Variants in ATP6V1C2 observed in about 807,000 individuals in gnomAD.
ATP6V1C2 encodes ATPase H+ transporting V1 subunit C2.
ATP6V1C2 carries 45 observed loss-of-function variants against 56.8 expected under a neutral mutation model. The observed-to-expected ratio is 0.79, with a 90% CI of 0.62 to 1.02. The LOEUF is 1.02. Among genes scored for constraint, ATP6V1C2 ranks in the 50% least tolerant of loss-of-function variants. The pLI is 0.00. For missense variants in ATP6V1C2, 463 were observed against 519.7 expected, an observed-to-expected ratio of 0.89 and a Z score of 1.06; for synonymous variants, 220 against 201.3, an observed-to-expected ratio of 1.09 and a Z score of -0.79.
In ATP6V1C2 at chr2:10,751,931, G is replaced by C. The variant is rs117554050; in HGVS notation, c.198-2050G>C. 1.3e-3 allele frequency among the ~76,000 whole-genome samples: 194 copies of C among 152,106 alleles called. 4 individuals carry two copies. The East Asian group carries it at 0.036, about 28-fold the overall frequency. On this transcript the variant is annotated intron_variant, in intron 3 of 13. Coordinates refer to ENST00000272238, the MANE Select transcript of ATP6V1C2 (RefSeq NM_001039362.2). The stretch of plus-strand genomic sequence containing the variant: ...GAGACCAGCTTAGGCAATATAGTAA[G>C]ACCTTGTCTCTACAAAAAAATTTAG...
At chr2:10,724,100 G>A (rs1661510169) in intron 2 of ATP6V1C2, among the ~76,000 whole-genome samples, 1 of 152,052 alleles carries the variant, frequency 6.6e-6, no homozygotes, top group Admixed American at 6.6e-5. Context: ...GACTTACCGT[G>A]GTGCTTTCTG....
intron 12 of ATP6V1C2, 77 bp downstream of exon 12, chr2:10,778,746 C>G: frequency 7.5e-7 from 1 of 1,327,806 alleles, no homozygotes; most frequent in South Asian, 1.2e-5. Flanking sequence ...GGCACCCCAG[C>G]TCCTGCCTTC....
At chr2:10,727,823 G>A (rs1572499390) in intron 3 of ATP6V1C2, among the ~76,000 whole-genome samples, 1 of 152,032 alleles carries the variant, frequency 6.6e-6, no homozygotes, top group East Asian at 1.9e-4. Context: ...CGCTTGAGCG[G>A]GGGAGGGGGG....
chr2:10,738,602 C>T (rs1662381607), intron 3 of ATP6V1C2, among the ~76,000 whole-genome samples: 3 of 152,216 alleles, frequency 2.0e-5, no homozygotes, highest in South Asian at 4.1e-4. Context: ...TGTTGGTGCT[C>T]ATCGCAGCCC....
intron 3 of ATP6V1C2, among the ~76,000 whole-genome samples, chr2:10,734,153 A>C (rs947161329): frequency 6.6e-6 from 1 of 151,996 alleles, no homozygotes; most frequent in Non-Finnish European, 1.5e-5. Flanking sequence ...GGGTTGCTCT[A>C]AGCTGCTGGC....
chr2:10,771,912 G>A lies in ATP6V1C2; in HGVS notation c.544G>A (p.Val182Ile), dbSNP rs146844001. The A allele has an allele frequency of 1.3e-4, 215 of 1,614,080 alleles. No homozygotes were observed. In the African/African-American group the frequency reaches 2.0e-3, roughly 15 times the overall value. ...CTTCGTGCTGGATTCTGAATATCTC[G>A]TCACACTTCTGGTCATCGTCCCCAA... ...EDFVLDSEYL[V>I]TLLVIVPKPN... The change falls in exon 7 of 14, where the codon GTC becomes ATC. Residue 182 changes from valine (V) to isoleucine (I), a missense_variant. Physicochemically the swap from Val to Ile is conservative, Grantham distance 29. Coordinates refer to ENST00000272238, the MANE Select transcript of ATP6V1C2 (RefSeq NM_001039362.2).
chr2:10,756,802 C>T (rs563797461), intron 4 of ATP6V1C2, among the ~76,000 whole-genome samples: 157 of 152,092 alleles, frequency 1.0e-3, no homozygotes, highest in Middle Eastern at 3.4e-3. Context: ...GTGTAGTAGG[C>T]GATACCACCT....
intron 2 of ATP6V1C2, among the ~76,000 whole-genome samples, chr2:10,725,489 ATTTT>A (rs371459373): frequency 0.16 from 17,281 of 106,750 alleles, 1,347 homozygotes; most frequent in Middle Eastern, 0.22. Context: ...CCCAGCAAGA[ATTTT>A]TTTTTTTTTT....
At chr2:10,766,611 A>G (rs1664237172) in intron 5 of ATP6V1C2, among the ~76,000 whole-genome samples, 1 of 152,162 alleles carries the variant, frequency 6.6e-6, no homozygotes. Context: ...AAATATATAA[A>G]TCTTATTTTA....
intron 3 of ATP6V1C2, among the ~76,000 whole-genome samples, chr2:10,740,366 T>A (rs905763732): frequency 6.6e-6 from 1 of 152,208 alleles, no homozygotes; most frequent in Non-Finnish European, 1.5e-5. Context: ...GTGACTGCGC[T>A]GTTCCTGGCC....
At chr2:10,760,623 G>A (rs1663854330) in intron 4 of ATP6V1C2, among the ~76,000 whole-genome samples, 2 of 152,212 alleles carry the variant, frequency 1.3e-5, no homozygotes, top group Admixed American at 1.3e-4. Flanking sequence ...CAGTAACCAA[G>A]CACATGCTGG....
chr2:10,725,311 AGGCTGAGG>A lies in ATP6V1C2; in HGVS notation c.130-1190_130-1183del, dbSNP rs200937373. ...ATGCCTGTAATACCAGCTATTTGGGAGGCTGAGGCAGAAGAATCACTTGAACCTGGGAG... is the reference window on the plus strand; with the variant it reads ...ATGCCTGTAATACCAGCTATTTGGGACAGAAGAATCACTTGAACCTGGGAG... On this transcript the variant is annotated intron_variant, in intron 2 of 13. Coordinates refer to ENST00000272238, the MANE Select transcript of ATP6V1C2 (RefSeq NM_001039362.2). Among the ~76,000 whole-genome samples the A allele has an allele frequency of 6.4e-3, 975 of 151,528 alleles. 15 individuals are homozygous for A. Among genetic ancestry groups the A allele is most frequent in the African/African-American group, 0.022 (925 of 41,382 alleles).
chr2:10,754,151 T>C, intron 4 of ATP6V1C2, 85 bp downstream of exon 4: 2 of 1,127,622 alleles, frequency 1.8e-6, no homozygotes, highest in Admixed American at 4.2e-5. Context: ...CACACAGCAA[T>C]CACCGAGATG....
intron 3 of ATP6V1C2, among the ~76,000 whole-genome samples, chr2:10,740,495 G>A (rs1662489616): frequency 6.6e-6 from 1 of 152,124 alleles, no homozygotes; most frequent in Non-Finnish European, 1.5e-5. Context: ...GTTCTCAGTG[G>A]CTAAGCTGCT....
intron 12 of ATP6V1C2, among the ~76,000 whole-genome samples, chr2:10,779,070 C>CA (rs1193912636): frequency 6.6e-6 from 1 of 151,946 alleles, no homozygotes; most frequent in Non-Finnish European, 1.5e-5. Context: ...GAGAGAAAAC[C>CA]AAAACCACAC....
intron 3 of ATP6V1C2, among the ~76,000 whole-genome samples, chr2:10,743,096 T>A (rs1184541749): frequency 6.6e-6 from 1 of 152,148 alleles, no homozygotes; most frequent in East Asian, 1.9e-4. Flanking sequence ...ACTCACTGCT[T>A]TGTCTATTTG....
At chr2:10,757,778 C>T (rs1028456810) in intron 4 of ATP6V1C2, among the ~76,000 whole-genome samples, 6 of 152,160 alleles carry the variant, frequency 3.9e-5, no homozygotes, top group Admixed American at 6.6e-5. Flanking sequence ...GATCCTGACA[C>T]GATGTCCCGA....
At chr2:10,766,308 A>G (rs971024593) in intron 5 of ATP6V1C2, among the ~76,000 whole-genome samples, 2 of 152,206 alleles carry the variant, frequency 1.3e-5, no homozygotes, top group African/African-American at 4.8e-5. Flanking sequence ...CGCTCTGCCA[A>G]CGAGAGGTCT....
chr2:10,753,169 G>C (rs1663318642), intron 3 of ATP6V1C2, among the ~76,000 whole-genome samples: 2 of 152,168 alleles, frequency 1.3e-5, no homozygotes, highest in Non-Finnish European at 1.5e-5. Context: ...AGCAATATCT[G>C]ATTATAATTG....
Sources: gnomAD v4.1 joint callset for allele counts (sites outside exome capture counted in the v4.1 genomes callset) on GRCh38, gnomAD v4.1.1 for gene constraint, MANE v1.5 for transcripts, NCBI Gene and HGNC (gene_info 2026-07-23, HGNC 2026-07-21) for gene names.